The following TLN2 variants were observed in gnomAD, a reference collection of about 807,000 sequenced individuals.
TLN2 encodes the protein talin-2.
TLN2 carries 118 observed loss-of-function variants against 294.7 expected under a neutral mutation model. The observed-to-expected ratio is 0.40, with a 90% confidence interval of 0.34 to 0.47. The LOEUF is 0.47. TLN2 is among the 20% of genes least tolerant of loss of function. The pLI, the probability that TLN2 is intolerant of heterozygous loss-of-function variation, is 0.84. For synonymous variants in TLN2, 1,431 were observed against 1,304.5 expected, an observed-to-expected ratio of 1.10 and a Z score of -2.09; for missense variants, 3,083 against 3,282.2, an observed-to-expected ratio of 0.94 and a Z score of 1.48.
At chr15:62,655,427 C>G (rs969968432) in intron 7 of TLN2, among the ~76,000 whole-genome samples, 1 of 152,070 alleles carries the variant, frequency 6.6e-6, no homozygotes, top group East Asian at 1.9e-4. Context: ...GTGTTGTCTC[C>G]GCTACTCCCT....
intron 1 of TLN2, among the ~76,000 whole-genome samples, chr15:62,499,937 G>T (rs183059081): frequency 1.3e-5 from 2 of 149,380 alleles, no homozygotes; most frequent in Non-Finnish European, 3.0e-5. Flanking sequence ...AACAAGCAAA[G>T]AAACAAACAA....
At position 62,805,753 on chromosome 15, in the gene TLN2, A is replaced by G; in HGVS notation, c.6631A>G (p.Lys2211Glu). 1 of 1,614,092 alleles carries G rather than the reference A, an allele frequency of 6.2e-7. No individual in the cohort carries two copies. Among genetic ancestry groups the G allele is most frequent in the East Asian group, 2.2e-5 (1 of 44,882 alleles). Residue 2211 changes from lysine (K) to glutamate (E), a missense_variant, in exon 51 of 59, where the codon AAA (lysine) becomes GAA (glutamate). Transcript: ENST00000636159. The part of the protein sequence containing the change: ...DVIATANLSR[K>E]AVSDMLTACK... ...GATTGCTACTGCCAACCTGAGCCGG[A>G]AAGCCGTGTCAGATATGTTGACGGC... is the stretch of plus-strand genomic sequence containing the variant.
intron 1 of TLN2, among the ~76,000 whole-genome samples, chr15:62,436,342 G>A (rs1181547834): frequency 6.6e-6 from 1 of 152,186 alleles, no homozygotes; most frequent in Non-Finnish European, 1.5e-5. Context: ...AACAGTCCTT[G>A]GCAACTGCAG....
rs1436878029 is a variant in TLN2 at position 62,652,031 on chromosome 15, G to T, written c.261G>T (p.Gln87His). ...NGDILEYKKK[Q>H]RPQKIRMLDG... ...ATATTTTGGAATATAAAAAGAAACA[G>T]AGACCTCAGAAAATCCGGATGCTGG... is the stretch of plus-strand genomic sequence containing the variant. Residue 87 changes from glutamine (Q) to histidine (H), a missense_variant, in exon 6 of 59, where the codon CAG becomes CAT. Transcript: ENST00000636159. 1 of 1,611,408 alleles carries T rather than the reference G, an allele frequency of 6.2e-7. No individual in the cohort carries two copies. Among genetic ancestry groups the T allele is most frequent in the Non-Finnish European group, 8.5e-7 (1 of 1,178,380 alleles).
In TLN2 at chr15:62,760,435, GT is replaced by G. The variant is rs367835176; in HGVS notation, c.4639-1236del. Among the ~76,000 whole-genome samples the G allele has an allele frequency of 3.8e-3, 565 of 148,878 alleles. 4 individuals carry two copies. The highest frequency in any genetic ancestry group is 0.013 in the African/African-American group (536 of 40,626). On this transcript the variant is annotated intron_variant, in intron 37 of 58. Transcript: ENST00000636159. ...TTTGCTTGGTAATGCCAGTGCCCCTGTTTTTTTTTTATCCCAATTGTCTAAA... is the reference window on the plus strand; with the variant it reads ...TTTGCTTGGTAATGCCAGTGCCCCTGTTTTTTTTTATCCCAATTGTCTAAA...
At chr15:62,650,369 A>G (rs2052453059) in intron 5 of TLN2, among the ~76,000 whole-genome samples, 188 bp downstream of exon 5, 2 of 152,210 alleles carry the variant, frequency 1.3e-5, no homozygotes, top group Non-Finnish European at 2.9e-5. Flanking sequence ...GATTCCATAG[A>G]AGGATTGAAG....
chr15:62,749,862 A>C (rs538763076), intron 33 of TLN2, among the ~76,000 whole-genome samples: 31 of 152,336 alleles, frequency 2.0e-4, no homozygotes, highest in Middle Eastern at 3.4e-3. Flanking sequence ...GGACCTAAAC[A>C]ACAAGAAACG....
intron 3 of TLN2, among the ~76,000 whole-genome samples, chr15:62,628,594 C>T (rs1390197713): frequency 6.6e-6 from 1 of 152,192 alleles, no homozygotes; most frequent in Non-Finnish European, 1.5e-5. Context: ...TTTTGACCCT[C>T]ATAATTAAGA....
rs906958528 is a variant in TLN2 at position 62,390,567 on chromosome 15, A to AGCGGCG, written c.-350_-345dup. ...CGGCTCTTGTTCCGCGCCCGGAGCC[A>AGCGGCG]GCGGCGGCGGCAGCGGCTGAGGCGG... On this transcript the variant is annotated 5_prime_UTR_variant, in exon 1 of 59. Transcript: ENST00000636159. 2.6e-5 allele frequency: 4 copies of AGCGGCG among 152,012 alleles called. No individual in the cohort carries two copies. The highest frequency in any genetic ancestry group is 5.9e-5 in the Non-Finnish European group (4 of 67,982). The allele number at this position is 152,012 out of a possible 1,614,324, so 9.4% of individuals were successfully genotyped here.
At chr15:62,673,310 C>CTTTTTTTTTT (rs56258541) in intron 9 of TLN2, among the ~76,000 whole-genome samples, 2,814 of 42,696 alleles carry the variant, frequency 0.066, 834 homozygotes, top group Admixed American at 0.1. Flanking sequence ...TTAGATGTTG[C>CTTTTTTTTTT]TTTTTTTTTT....
At chr15:62,784,003 G>C in intron 45 of TLN2, 113 bp downstream of exon 45, 1 of 1,548,604 alleles carries the variant, frequency 6.5e-7, no homozygotes, top group East Asian at 2.3e-5. Context: ...AGTAACCAGA[G>C]CCCAGTTTAT....
intron 27 of TLN2, 128 bp downstream of exon 27, chr15:62,725,232 G>T: frequency 7.4e-7 from 1 of 1,348,734 alleles, no homozygotes; most frequent in South Asian, 1.7e-5. Flanking sequence ...GTCTTTTTCT[G>T]AAAAGAATGC....
At chr15:62,602,308 C>T (rs1011435040) in intron 2 of TLN2, among the ~76,000 whole-genome samples, 3 of 152,176 alleles carry the variant, frequency 2.0e-5, no homozygotes, top group African/African-American at 4.8e-5. Context: ...TCTGCTTTAT[C>T]TCATGCTGCA....
At chr15:62,442,285 C>T (rs1346562658) in intron 1 of TLN2, among the ~76,000 whole-genome samples, 1 of 151,830 alleles carries the variant, frequency 6.6e-6, no homozygotes, top group Non-Finnish European at 1.5e-5. Context: ...CACCTGAGGT[C>T]AGGGTTCCAG....
intron 43 of TLN2, among the ~76,000 whole-genome samples, chr15:62,779,571 G>T (rs1417523783): frequency 6.6e-6 from 1 of 152,136 alleles, no homozygotes; most frequent in Non-Finnish European, 1.5e-5. Context: ...AAGGTTCTTT[G>T]GCTGGTGGCC....
chr15:62,667,115 A>C (rs62004577), intron 9 of TLN2, among the ~76,000 whole-genome samples: 1 of 151,928 alleles, frequency 6.6e-6, no homozygotes, highest in Non-Finnish European at 1.5e-5. Flanking sequence ...ACAGGCGCCC[A>C]CCACCACGCC....
intron 2 of TLN2, among the ~76,000 whole-genome samples, chr15:62,606,410 G>C (rs1219252489): frequency 2.0e-5 from 3 of 152,012 alleles, no homozygotes; most frequent in Admixed American, 6.6e-5. Flanking sequence ...ATTTTTTTTA[G>C]GTTGAAATTA....
intron 9 of TLN2, among the ~76,000 whole-genome samples, chr15:62,662,393 C>T (rs1325994113): frequency 1.3e-5 from 2 of 152,116 alleles, no homozygotes; most frequent in African/African-American, 2.4e-5. Context: ...AAGTAAAGCT[C>T]CTCTCCTTAA....
At position 62,766,380 on chromosome 15, in the gene TLN2, C is replaced by T. The variant is rs139364010; in HGVS notation, c.5154C>T (p.Ile1718=). The T allele has an allele frequency of 6.6e-4, 1,057 of 1,612,938 alleles. 3 individuals are homozygous for T. The African/African-American group carries it at 0.012, about 18-fold the overall frequency. The change falls in exon 41 of 59, where the codon ATC becomes ATT. Residue 1718 remains isoleucine, a synonymous_variant. Transcript: ENST00000636159. Reference sequence around the variant, plus strand: ...AAATCGGACACCTTATCGATCCCATCGCCACAGCGGCTCGGGGAGAAGCAG... The same window carrying T: ...AAATCGGACACCTTATCGATCCCATTGCCACAGCGGCTCGGGGAGAAGCAG... The part of the protein sequence containing the change: ...VQEIGHLIDP[I]ATAARGEAAQ...
Sources: allele counts gnomAD v4.1 joint callset (sites outside exome capture counted in the v4.1 genomes callset), GRCh38; gene constraint gnomAD v4.1.1; transcripts MANE v1.5; gene names NCBI Gene and HGNC (gene_info 2026-07-23, HGNC 2026-07-21).